The following GALP variants were observed in gnomAD, a reference collection of about 807,000 sequenced individuals.
GALP encodes galanin-like peptide.
GALP carries 12 observed loss-of-function variants against 15.2 expected under a neutral mutation model. The ratio of observed to expected loss-of-function variants is 0.79; its 90% CI spans 0.51 to 1.28. The LOEUF is 1.28. Ranked by LOEUF, GALP falls within the 50% of genes most tolerant of loss-of-function variation. The probability of loss-of-function intolerance (pLI) is 0.00; values close to 1 mark genes in which losing one functional copy is unlikely to be tolerated. For synonymous variants in GALP, 58 were observed against 55.1 expected, an observed-to-expected ratio of 1.05 and a Z score of -0.23; for missense variants, 161 against 145.6, an observed-to-expected ratio of 1.11 and a Z score of -0.55.
chr19:56,177,626 G>A (rs1280579260), intron 2 of GALP, among the ~76,000 whole-genome samples: 1 of 152,132 alleles, frequency 6.6e-6, no homozygotes, highest in Non-Finnish European at 1.5e-5. Flanking sequence ...AAAGTACTGG[G>A]ATCACAGGTG....
intron 4 of GALP, 27 bp downstream of exon 4, chr19:56,182,279 TCTC>T (rs1568579044): frequency 1.3e-6 from 2 of 1,543,552 alleles, no homozygotes; most frequent in Non-Finnish European, 1.8e-6. Flanking sequence ...TTAGACGTCT[TCTC>T]CTGCGTCCTC....
chr19:56,184,299 A>T (rs1412665740), intron 5 of GALP, among the ~76,000 whole-genome samples: 4 of 152,032 alleles, frequency 2.6e-5, no homozygotes, highest in Non-Finnish European at 5.9e-5. Flanking sequence ...GACGCATAGT[A>T]GGTACTTGGT....
At chr19:56,183,060 G>A in intron 4 of GALP, 75 bp from the exon 5 acceptor site, 1 of 1,038,416 alleles carries the variant, frequency 9.6e-7, no homozygotes, top group Non-Finnish European at 1.5e-6. Flanking sequence ...CCGTCTTTGT[G>A]TCTGTGTGTT....
At chr19:56,183,357 C>A in intron 5 of GALP, 145 bp downstream of exon 5, 1 of 670,908 alleles carries the variant, frequency 1.5e-6, no homozygotes, top group East Asian at 2.7e-5. Context: ...GCCACTACCC[C>A]GACCACTCAG....
intron 3 of GALP, 36 bp from the exon 4 acceptor site, chr19:56,182,136 C>A: frequency 6.7e-7 from 1 of 1,483,246 alleles, no homozygotes; most frequent in Non-Finnish European, 9.4e-7. Flanking sequence ...TCTACTTAAC[C>A]GACCACCTGC....
intron 4 of GALP, 110 bp from the exon 5 acceptor site, chr19:56,183,025 G>A (rs1309012884): frequency 2.5e-5 from 18 of 725,846 alleles, no homozygotes; most frequent in South Asian, 1.1e-4. Context: ...CTCCACCCTC[G>A]GGAAGGACCC....
At chr19:56,185,171 T>C (rs762752443) in intron 5 of GALP, 44 bp from the exon 6 acceptor site, 10 of 1,281,860 alleles carry the variant, frequency 7.8e-6, no homozygotes, top group Non-Finnish European at 1.1e-5. Context: ...TGGGGAGTGA[T>C]AGTGAGAAAA....
intron 3 of GALP, 28 bp from the exon 4 acceptor site, chr19:56,182,144 T>A (rs758515513): frequency 1.7e-4 from 257 of 1,544,184 alleles, no homozygotes; most frequent in Non-Finnish European, 1.8e-4. Flanking sequence ...ACCGACCACC[T>A]GCTCTTGCTC....
intron 2 of GALP, among the ~76,000 whole-genome samples, chr19:56,179,855 G>A (rs529744218): frequency 2.0e-5 from 3 of 152,100 alleles, no homozygotes; most frequent in South Asian, 2.1e-4. Flanking sequence ...AGGCTGGAGC[G>A]CAGTGGTGCA....
chr19:56,179,177 C>G lies in GALP; in HGVS notation c.88-1409C>G, dbSNP rs141797557. 1.9e-3 allele frequency among the ~76,000 whole-genome samples: 292 copies of G among 152,178 alleles called. 2 individuals are homozygous for G. Among genetic ancestry groups the G allele is most frequent in the African/African-American group, 6.3e-3 (263 of 41,542 alleles). On this transcript the variant is annotated intron_variant, in intron 2 of 5. Coordinates refer to ENST00000357330, the MANE Select transcript of GALP (RefSeq NM_033106.4). ...GGGTGGCAGAGTGAGACGCGAGACTCCATCTCAAAATAAATAAATAAATAA... is the reference window on the plus strand; with the variant it reads ...GGGTGGCAGAGTGAGACGCGAGACTGCATCTCAAAATAAATAAATAAATAA...
chr19:56,181,218 C>A (rs2032561611), intron 3 of GALP, among the ~76,000 whole-genome samples: 1 of 151,230 alleles, frequency 6.6e-6, no homozygotes, highest in African/African-American at 2.4e-5. Context: ...CATGAGCCAC[C>A]ACACCTGGCT....
In GALP at chr19:56,180,649, G is replaced by C. The variant is rs369383389; in HGVS notation, c.136+15G>C. The C allele has an allele frequency of 6.2e-7, 1 of 1,609,750 alleles. No homozygotes were observed. The highest frequency in any genetic ancestry group is 8.5e-7 in the Non-Finnish European group (1 of 1,176,178). ...TCTGGGTCCCGGTGAGTGAGGCTGC[G>C]CTCAGCTCTCCATCCCTGGCCCGAG... On this transcript the variant is annotated intron_variant, in intron 3 of 5. Transcript: ENST00000357330.
intron 2 of GALP, among the ~76,000 whole-genome samples, chr19:56,178,301 TA>T (rs113739061): frequency 8.3e-4 from 120 of 143,922 alleles, no homozygotes; most frequent in Middle Eastern, 3.6e-3. Context: ...CTCCATCTCT[TA>T]AAAAAAAAAA....
chr19:56,184,024 T>C (rs1487566577), intron 5 of GALP, among the ~76,000 whole-genome samples: 1 of 151,828 alleles, frequency 6.6e-6, no homozygotes, highest in African/African-American at 2.4e-5. Context: ...GGTGTGATCT[T>C]GGCTCACTGC....
At chr19:56,180,517 C>A in intron 2 of GALP, 69 bp from the exon 3 acceptor site, 2 of 1,344,528 alleles carry the variant, frequency 1.5e-6, no homozygotes, top group Non-Finnish European at 2.1e-6. Context: ...ACCCACATCA[C>A]CCCGGACCTG....
At position 56,185,604 on chromosome 19, in the gene GALP, T is replaced by G. The variant is rs79670848; in HGVS notation, c.*334T>G. ...TCATCCCAATTATAACACGAGCTAT[T>G]GCATAATACAAATAACCCTCTTAAG... On this transcript the variant is annotated 3_prime_UTR_variant, in exon 6 of 6. Transcript: ENST00000357330. 9.1e-3 allele frequency: 1,855 copies of G among 203,502 alleles called. 30 individuals carry two copies. The highest frequency in any genetic ancestry group is 0.039 in the African/African-American group (1,704 of 43,144). The allele number at this position is 203,502 out of a possible 1,614,324, so 12.6% of individuals were successfully genotyped here. A position where few individuals can be genotyped will look rare whatever the true frequency, so the allele number is the denominator to read the frequency against.
chr19:56,184,803 A>G (rs989602199), intron 5 of GALP, among the ~76,000 whole-genome samples: 3 of 151,912 alleles, frequency 2.0e-5, no homozygotes, highest in African/African-American at 7.3e-5. Context: ...TCCTAACTCA[A>G]TTCCTGGAGA....
Position 56,177,510 on chromosome 19 carries a change from C to CAAA in GALP, c.87+331_87+333dup, listed in dbSNP as rs35564874. The stretch of plus-strand genomic sequence containing the variant: ...TGGGTGACAGAGCGAGACTCCATCT[C>CAAA]AAAAAAAAAAAAAAAAAAGAAGAAA... On this transcript the variant is annotated intron_variant, in intron 2 of 5. Transcript: ENST00000357330. Among the ~76,000 whole-genome samples the CAAA allele has an allele frequency of 7.2e-4, 53 of 73,730 alleles. 1 individual carries two copies. The highest frequency in any genetic ancestry group is 6.5e-3 in the East Asian group (22 of 3,396). 48.4% of individuals were successfully genotyped at this position (73,730 alleles called of 152,430 possible). A position where few individuals can be genotyped will look rare whatever the true frequency, so the allele number is the denominator to read the frequency against.
Position 56,177,175 on chromosome 19 carries a change from G to A in GALP, c.67G>A (p.Ala23Thr), listed in dbSNP as rs757703916. The change falls in exon 2 of 6, where the codon GCA becomes ACA. Residue 23 changes from alanine (A) to threonine (T), a missense_variant. Transcript: ENST00000357330. ...CTTGCTGAGCCTGGCAGAGACTCCAGCATCCGCACCTGCCCACCGGGTAAC... is the reference window on the plus strand; with the variant it reads ...CTTGCTGAGCCTGGCAGAGACTCCAACATCCGCACCTGCCCACCGGGTAAC... ...VLLLSLAETP[A>T]SAPAHRGRGG... 1 of 1,613,458 alleles carries A rather than the reference G, an allele frequency of 6.2e-7. No individual in the cohort carries two copies.
Sources: gnomAD v4.1 joint callset for allele counts (sites outside exome capture counted in the v4.1 genomes callset) on GRCh38, gnomAD v4.1.1 for gene constraint, MANE v1.5 for transcripts, NCBI Gene and HGNC (gene_info 2026-07-23, HGNC 2026-07-21) for gene names.